RASGEF1C: variants seen among roughly 807,000 people sequenced by gnomAD.
The protein encoded by RASGEF1C is RasGEF domain family member 1C, also known as ras-GEF domain-containing family member 1C.
RASGEF1C carries 27 observed loss-of-function variants against 58.1 expected under a neutral mutation model. That is an observed-to-expected ratio of 0.46 (90% confidence interval 0.34 to 0.64). The LOEUF (loss-of-function observed/expected upper bound fraction) is 0.64. Ranked by LOEUF, RASGEF1C falls within the 30% of genes least tolerant of loss-of-function variation. The pLI is 0.01. For synonymous variants in RASGEF1C, 243 were observed against 246.3 expected (o/e 0.99, Z 0.13); for missense variants, 502 against 605.1 (o/e 0.83, Z 1.79).
intron 12 of RASGEF1C, among the ~76,000 whole-genome samples, 158 bp from the exon 13 acceptor site, chr5:180,102,301 G>T (rs974256792): frequency 6.6e-6 from 1 of 150,828 alleles, no homozygotes; most frequent in African/African-American, 2.4e-5. Context: ...CTTAACGACA[G>T]TAGTTCTATA....
Position 180,156,119 on chromosome 5 carries a change from A to T in RASGEF1C, c.-6-18061T>A, listed in dbSNP as rs74557227. On this transcript the variant is annotated intron_variant, in intron 1 of 13. Transcript: ENST00000361132. This position sits in a 1 kb window ranked among gnomAD's most constrained non-coding sequence, Gnocchi z 4.9. ...CACTCCTCATCCCCCTAACCTCTAG[A>T]CAAGACCATGCTGACTTTTGTGCTA... Among the ~76,000 whole-genome samples, 918 of 152,298 alleles carry T rather than the reference A, an allele frequency of 6.0e-3. 7 individuals carry two copies. The highest frequency in any genetic ancestry group is 0.021 in the African/African-American group (869 of 41,578).
chr5:180,113,364 G>A lies in RASGEF1C; in HGVS notation c.1179+1082C>T, dbSNP rs557786654. Among the ~76,000 whole-genome samples the A allele has an allele frequency of 5.3e-4, 21 of 39,824 alleles. 3 individuals are homozygous for A. The highest frequency in any genetic ancestry group is 8.4e-4 in the East Asian group (1 of 1,186). The allele number at this position is 39,824 out of a possible 152,430, so 26.1% of individuals were successfully genotyped here. On this transcript the variant is annotated intron_variant, in intron 11 of 13. Coordinates refer to ENST00000361132, the MANE Select transcript of RASGEF1C (RefSeq NM_175062.4). ...GGACCGGGGATGGACTGAGGGATCCGGGATGGACGGAGGGACCGGGGATGG... is the reference window on the plus strand; with the variant it reads ...GGACCGGGGATGGACTGAGGGATCCAGGATGGACGGAGGGACCGGGGATGG...
chr5:180,153,384 G>A (rs1766796789), intron 1 of RASGEF1C, among the ~76,000 whole-genome samples: 1 of 152,198 alleles, frequency 6.6e-6, no homozygotes, highest in African/African-American at 2.4e-5. Flanking sequence ...ATAGCTAGCT[G>A]CTACCATGTT....
chr5:180,200,310 C>CT (rs762904367), intron 1 of RASGEF1C, among the ~76,000 whole-genome samples: 1,117 of 90,200 alleles, frequency 0.012, 87 homozygotes, highest in South Asian at 0.12. Context: ...GTACATCATT[C>CT]TTTTTTTTTT....
intron 13 of RASGEF1C, 93 bp downstream of exon 13, chr5:180,101,978 A>G (rs1765793345): frequency 2.2e-5 from 19 of 868,900 alleles, no homozygotes; most frequent in Non-Finnish European, 3.6e-5. Flanking sequence ...CCTGGTCCCA[A>G]GCAGTCCCCG....
Position 180,121,097 on chromosome 5 carries a change from T to C in RASGEF1C, c.767A>G (p.Asn256Ser), listed in dbSNP as rs1305354306. The C allele has an allele frequency of 6.2e-7, 1 of 1,614,108 alleles. No individual in the cohort carries two copies. ...SNLEAYVKWF[N>S]RLCYLVATEI... Reference sequence around the variant, plus strand: ...AGTTGCCACCAGGTAGCACAGCCTGTTGAACCATTTCACATAAGCCTCCAG... The same window carrying C: ...AGTTGCCACCAGGTAGCACAGCCTGCTGAACCATTTCACATAAGCCTCCAG... Residue 256 changes from asparagine to serine, a missense_variant, in exon 7 of 14, where the codon AAC (asparagine) becomes AGC (serine). Physicochemically the swap from Asn to Ser is conservative, Grantham distance 46. Transcript: ENST00000361132.
rs757140312 is a variant in RASGEF1C, at chr5:180,138,066, G to A, written c.-6-8C>T. 2 of 1,484,344 alleles carry A rather than the reference G, an allele frequency of 1.3e-6. No homozygotes were observed. Among genetic ancestry groups the A allele is most frequent in the Admixed American group, 4.9e-5 (2 of 40,790 alleles). The allele number at this position is 1,484,344 out of a possible 1,614,324, so 91.9% of individuals were successfully genotyped here. A position where few individuals can be genotyped will look rare whatever the true frequency, so the allele number is the denominator to read the frequency against. On this transcript the variant is annotated splice_polypyrimidine_tract_variant and splice_region_variant and intron_variant, in intron 1 of 13. Transcript: ENST00000361132. ...CGTCTGTGGCATGTCTGCCTGCAATGGCAAGGAGCAGTGAGGACCTGAGTG... is the reference window on the plus strand; with the variant it reads ...CGTCTGTGGCATGTCTGCCTGCAATAGCAAGGAGCAGTGAGGACCTGAGTG...
At chr5:180,132,969 G>GAAAAA (rs34307583) in intron 4 of RASGEF1C, among the ~76,000 whole-genome samples, 1 of 99,210 alleles carries the variant, frequency 1.0e-5, no homozygotes, top group Non-Finnish European at 2.0e-5. Flanking sequence ...CTCCGTCTCA[G>GAAAAA]AAAAAAAAAA....
In RASGEF1C at chr5:180,172,438, G is replaced by A. The variant is rs577644771; in HGVS notation, c.-6-34380C>T. 8.5e-5 allele frequency among the ~76,000 whole-genome samples: 13 copies of A among 152,286 alleles called. No homozygotes were observed. The South Asian group carries it at 2.7e-3, about 32-fold the overall frequency. ...TGTGACCAGGGCCCAGGGGTCATGA[G>A]GCAGCCAAGGAAATGAGGGCTGAGG... On this transcript the variant is annotated intron_variant, in intron 1 of 13. Transcript: ENST00000361132.
At chr5:180,167,681 G>A (rs1319621321) in intron 1 of RASGEF1C, among the ~76,000 whole-genome samples, 1 of 152,106 alleles carries the variant, frequency 6.6e-6, no homozygotes, top group African/African-American at 2.4e-5. Flanking sequence ...TCAAGTCTCT[G>A]TCCGATAATC....
At chr5:180,114,636 G>A in intron 10 of RASGEF1C, 95 bp from the exon 11 acceptor site, 4 of 1,239,146 alleles carry the variant, frequency 3.2e-6, no homozygotes, top group Non-Finnish European at 4.5e-6. Context: ...GCTGCCCCAG[G>A]GACCTCAGAC....
At chr5:180,183,120 G>A (rs1275291840) in intron 1 of RASGEF1C, among the ~76,000 whole-genome samples, 3 of 152,126 alleles carry the variant, frequency 2.0e-5, no homozygotes, top group Non-Finnish European at 4.4e-5. Context: ...TTAAAAAAAG[G>A]TCAGATACTT....
chr5:180,173,639 GCA>G (rs1358236563), intron 1 of RASGEF1C, among the ~76,000 whole-genome samples: 26 of 152,184 alleles, frequency 1.7e-4, no homozygotes, highest in Non-Finnish European at 2.8e-4. Flanking sequence ...AGTTGGCCGG[GCA>G]CGGTGGCTCC....
intron 8 of RASGEF1C, 125 bp from the exon 9 acceptor site, chr5:180,118,991 G>T: frequency 2.4e-6 from 2 of 838,684 alleles, no homozygotes; most frequent in Non-Finnish European, 3.9e-6. Context: ...GTCACATGGT[G>T]GGTGGGTGAG....
chr5:180,136,639 G>A, intron 3 of RASGEF1C, 124 bp from the exon 4 acceptor site: 2 of 1,038,238 alleles, frequency 1.9e-6, no homozygotes, highest in Non-Finnish European at 2.8e-6. Context: ...TCTGTGCCAG[G>A]GAGGAGGAGG....
chr5:180,137,270 G>T lies in RASGEF1C; in HGVS notation c.300+320C>A, dbSNP rs562303750. ...CGGCCAGGACTGGGAAGGTGGAGCG[G>T]ATGTGCTGGGGGAAGGAAGCCCACC... is the stretch of plus-strand genomic sequence containing the variant. On this transcript the variant is annotated intron_variant, in intron 3 of 13. Coordinates refer to ENST00000361132, the MANE Select transcript of RASGEF1C (RefSeq NM_175062.4). The surrounding 1 kb of genome is among the most constrained non-coding windows in gnomAD (Gnocchi z 4.1). Among the ~76,000 whole-genome samples the T allele has an allele frequency of 1.3e-5, 2 of 152,312 alleles. No individual in the cohort carries two copies. The highest frequency in any genetic ancestry group is 4.8e-5 in the African/African-American group (2 of 41,568).
intron 6 of RASGEF1C, among the ~76,000 whole-genome samples, chr5:180,125,177 A>AAG (rs1223788405): frequency 2.6e-5 from 4 of 152,186 alleles, no homozygotes; most frequent in African/African-American, 9.7e-5. Context: ...AAACAAACAA[A>AAG]AGAAACATTT....
chr5:180,183,040 A>G (rs1755936620), intron 1 of RASGEF1C, among the ~76,000 whole-genome samples: 1 of 152,232 alleles, frequency 6.6e-6, no homozygotes, highest in Non-Finnish European at 1.5e-5. Flanking sequence ...AAAGCCTGTA[A>G]TCAGTTGACT....
intron 1 of RASGEF1C, among the ~76,000 whole-genome samples, chr5:180,171,351 A>G (rs1767103409): frequency 6.6e-6 from 1 of 151,966 alleles, no homozygotes; most frequent in Non-Finnish European, 1.5e-5. Context: ...TCGTGTTCAG[A>G]CCTGAAGACT....
Sources: allele counts gnomAD v4.1 joint callset (sites outside exome capture counted in the v4.1 genomes callset), GRCh38; gene constraint gnomAD v4.1.1; non-coding constraint Gnocchi (gnomAD v3.1); transcripts MANE v1.5; gene names NCBI Gene and HGNC (gene_info 2026-07-23, HGNC 2026-07-21).